The following MAGI2 variants were observed in gnomAD, a reference collection of about 807,000 sequenced individuals.
The protein encoded by MAGI2 is membrane associated guanylate kinase, WW and PDZ domain containing 2, also known as membrane-associated guanylate kinase, WW and PDZ domain-containing protein 2.
In MAGI2, 35 loss-of-function variants were observed where a neutral mutation model predicts 133.3. The observed-to-expected ratio is 0.26, with a 90% CI of 0.20 to 0.35. The LOEUF (loss-of-function observed/expected upper bound fraction) is 0.35. MAGI2 is among the 10% of genes least tolerant of loss of function. The pLI, the probability that MAGI2 is intolerant of heterozygous loss-of-function variation, is 1.00. For missense variants in MAGI2, 1,636 were observed against 1,863.4 expected (o/e 0.88, Z 2.25); for synonymous variants, 729 against 710.6 (o/e 1.03, Z -0.41).
intron 1 of MAGI2, among the ~76,000 whole-genome samples, chr7:79,049,029 A>G (rs1372659503): frequency 6.6e-6 from 1 of 152,206 alleles, no homozygotes; most frequent in Non-Finnish European, 1.5e-5. Flanking sequence ...TTAGACAAGC[A>G]AATGTTGCCA....
At chr7:79,194,637 T>C (rs749912445) in intron 1 of MAGI2, among the ~76,000 whole-genome samples, 5 of 151,966 alleles carry the variant, frequency 3.3e-5, no homozygotes, top group Non-Finnish European at 7.4e-5. Context: ...GTGTCACATA[T>C]ATTTAATATT....
intron 1 of MAGI2, among the ~76,000 whole-genome samples, chr7:79,390,537 T>C (rs767575652): frequency 1.2e-4 from 18 of 152,154 alleles, no homozygotes; most frequent in Non-Finnish European, 2.1e-4. Flanking sequence ...ATTTTCAGTA[T>C]GAGATGCTGG....
rs115105026 is a variant in MAGI2, at chr7:79,380,987, T to C, written c.301+72033A>G. Among the ~76,000 whole-genome samples the C allele has an allele frequency of 8.4e-3, 1,283 of 151,908 alleles. 11 individuals carry two copies. Among genetic ancestry groups the C allele is most frequent in the African/African-American group, 0.03 (1,233 of 41,510 alleles). On this transcript the variant is annotated intron_variant, in intron 1 of 21. Transcript: ENST00000354212. ...CTACTCTCTTTTTCAAAAAAACTGA[T>C]ACTTTAGACTGTGCCACTGAACAAA...
At chr7:79,403,465 A>T (rs1198634436) in intron 1 of MAGI2, among the ~76,000 whole-genome samples, 2 of 152,102 alleles carry the variant, frequency 1.3e-5, no homozygotes, top group South Asian at 2.1e-4. Context: ...CTTGATAGTA[A>T]TCCCTTTAAA....
intron 1 of MAGI2, among the ~76,000 whole-genome samples, chr7:79,164,362 T>G (rs1824717087): frequency 6.6e-6 from 1 of 152,082 alleles, no homozygotes; most frequent in Non-Finnish European, 1.5e-5. Context: ...ACATATATCT[T>G]TGCCATATTT....
chr7:79,098,384 A>C (rs537198883), intron 1 of MAGI2, among the ~76,000 whole-genome samples: 3 of 152,140 alleles, frequency 2.0e-5, no homozygotes, highest in Non-Finnish European at 2.9e-5. Flanking sequence ...AGTCGATCTC[A>C]TAGTCCTAAC....
chr7:79,179,622 A>G (rs77749470), intron 1 of MAGI2, among the ~76,000 whole-genome samples: 9,633 of 152,034 alleles, frequency 0.063, 659 homozygotes, highest in African/African-American at 0.16. Flanking sequence ...ATAAATCTAC[A>G]TATTGATAGC....
At chr7:79,086,221 C>A (rs1816477923) in intron 1 of MAGI2, among the ~76,000 whole-genome samples, 1 of 151,812 alleles carries the variant, frequency 6.6e-6, no homozygotes, top group Non-Finnish European at 1.5e-5. Context: ...AACTCCAAGT[C>A]AGGTCAAATT....
chr7:78,503,053 T>G (rs1385759892), intron 4 of MAGI2, among the ~76,000 whole-genome samples: 1 of 152,004 alleles, frequency 6.6e-6, no homozygotes, highest in South Asian at 2.1e-4. Context: ...ATATGATTAC[T>G]TACAAAGAAA....
At chr7:78,706,147 T>C (rs932046121) in intron 2 of MAGI2, among the ~76,000 whole-genome samples, 8 of 151,248 alleles carry the variant, frequency 5.3e-5, no homozygotes, top group Non-Finnish European at 1.2e-4. Flanking sequence ...TTTGGCTGTG[T>C]CCCCCCCCAA....
At chr7:78,616,201 AG>A (rs1214883186) in intron 3 of MAGI2, 1 of 152,210 alleles carries the variant, frequency 6.6e-6, no homozygotes, top group Non-Finnish European at 1.5e-5. Context: ...TTTTAAAATA[AG>A]TTTTGGAATT....
intron 2 of MAGI2, among the ~76,000 whole-genome samples, chr7:78,765,279 A>G (rs981888018): frequency 2.1e-5 from 3 of 146,018 alleles, no homozygotes; most frequent in African/African-American, 7.6e-5. Context: ...TTTTCCCACT[A>G]TATTGCTGCC....
chr7:79,035,295 C>T (rs1185432107), intron 1 of MAGI2, among the ~76,000 whole-genome samples: 1 of 151,980 alleles, frequency 6.6e-6, no homozygotes, highest in Admixed American at 6.6e-5. Flanking sequence ...TGTTGCTCTA[C>T]CAGCATCATT....
intron 1 of MAGI2, among the ~76,000 whole-genome samples, chr7:79,223,069 T>G (rs1380383183): frequency 6.6e-6 from 1 of 151,968 alleles, no homozygotes; most frequent in Non-Finnish European, 1.5e-5. Flanking sequence ...GTATTTTTAG[T>G]AGAGACGGGG....
chr7:78,430,053 T>A (rs1002267188), intron 6 of MAGI2, among the ~76,000 whole-genome samples: 6 of 152,014 alleles, frequency 3.9e-5, no homozygotes, highest in Admixed American at 3.9e-4. Flanking sequence ...CACTTTAATG[T>A]GTGTATGAAT....
chr7:78,917,174 G>C (rs1584384304), intron 2 of MAGI2, among the ~76,000 whole-genome samples: 1 of 152,160 alleles, frequency 6.6e-6, no homozygotes, highest in East Asian at 1.9e-4. Context: ...ATATGGAAAA[G>C]AGAGGAAGAA....
chr7:78,290,418 C>T (rs1279611756), intron 9 of MAGI2, among the ~76,000 whole-genome samples: 1 of 152,080 alleles, frequency 6.6e-6, no homozygotes, highest in Non-Finnish European at 1.5e-5. Context: ...ATATATGCAC[C>T]CAATACAGGA....
At chr7:78,273,296 G>T (rs1353364713) in intron 9 of MAGI2, among the ~76,000 whole-genome samples, 1 of 152,206 alleles carries the variant, frequency 6.6e-6, no homozygotes, top group Non-Finnish European at 1.5e-5. Flanking sequence ...GGTTTCTGCA[G>T]GGAGATCTGC....
chr7:78,791,541 CTTT>C (rs553315100), intron 2 of MAGI2, among the ~76,000 whole-genome samples: 3 of 132,966 alleles, frequency 2.3e-5, no homozygotes, highest in Admixed American at 7.6e-5. Context: ...GAGAAACAAT[CTTT>C]TTTTTTTTTT....
Sources: gnomAD v4.1 joint callset for allele counts (sites outside exome capture counted in the v4.1 genomes callset) on GRCh38, gnomAD v4.1.1 for gene constraint, MANE v1.5 for transcripts, NCBI Gene and HGNC (gene_info 2026-07-23, HGNC 2026-07-21) for gene names.